CUZD1: variants seen among roughly 807,000 people sequenced by gnomAD.
CUZD1 encodes the protein CUB and zona pellucida-like domain-containing protein 1.
In CUZD1, 42 loss-of-function variants were observed where a neutral mutation model predicts 53.1. That is an observed-to-expected ratio of 0.79 (90% confidence interval 0.62 to 1.02). The LOEUF (loss-of-function observed/expected upper bound fraction) is 1.02. Among genes scored for constraint, CUZD1 ranks in the 50% least tolerant of loss-of-function variants. The probability of loss-of-function intolerance (pLI) is 0.00; values close to 1 mark genes in which losing one functional copy is unlikely to be tolerated. For synonymous variants in CUZD1, 238 were observed against 257.2 expected (o/e 0.93, Z 0.71); for missense variants, 670 against 715.7 (o/e 0.94, Z 0.73).
intron 3 of CUZD1, chr10:122,837,818 C>T (rs767552894): frequency 6.1e-5 from 20 of 326,916 alleles, no homozygotes; most frequent in Non-Finnish European, 7.8e-5. Flanking sequence ...TGGAGAGACT[C>T]CCATTACCTG....
chr10:122,837,447 C>T lies in CUZD1; in HGVS notation c.556G>A (p.Val186Met). The T allele has an allele frequency of 6.2e-7, 1 of 1,614,076 alleles. No individual in the cohort carries two copies. The change falls in exon 4 of 9, where the codon GTG (valine) becomes ATG (methionine). Residue 186 changes from valine (V) to methionine (M), a missense_variant. Transcript: ENST00000392790. ...AGTTTTATCTTGTAATCTTTCTCCACTTGTATGTGCCACACACAATAAGCC... is the reference window on the plus strand; with the variant it reads ...AGTTTTATCTTGTAATCTTTCTCCATTTGTATGTGCCACACACAATAAGCC... ...ELAYCVWHIQVEKDYKIKLNF... is the reference protein window; with the variant it reads ...ELAYCVWHIQMEKDYKIKLNF...
intron 8 of CUZD1, among the ~76,000 whole-genome samples, chr10:122,832,681 A>G (rs573456706): frequency 5.9e-5 from 9 of 152,316 alleles, no homozygotes; most frequent in African/African-American, 2.2e-4. Flanking sequence ...ATTTCTCGGT[A>G]TCACATGAAA....
At chr10:122,839,800 C>G (rs1847309209) in intron 2 of CUZD1, among the ~76,000 whole-genome samples, 1 of 152,184 alleles carries the variant, frequency 6.6e-6, no homozygotes, top group South Asian at 2.1e-4. Context: ...CTCCAAATAT[C>G]CTCAGAGGAC....
intron 4 of CUZD1, 140 bp downstream of exon 4, chr10:122,837,264 A>T: frequency 1.1e-6 from 1 of 916,730 alleles, no homozygotes; most frequent in Non-Finnish European, 1.7e-6. Context: ...GAATAGTATC[A>T]CTGTTTTCCT....
At position 122,833,913 on chromosome 10, in the gene CUZD1, CACCTT is replaced by C; in HGVS notation, c.1405_1409del (p.Lys469ValfsTer13). The C allele has an allele frequency of 6.2e-7, 1 of 1,613,376 alleles. No homozygotes were observed. The highest frequency in any genetic ancestry group is 8.5e-7 in the Non-Finnish European group (1 of 1,179,500). On this transcript the variant is annotated frameshift_variant, in exon 8 of 9. Transcript: ENST00000392790. LOFTEE classifies it high-confidence loss of function. ...TCCCATAGTGTCCAAATAAGGGATA[CACCTT>C]ACAAGTTTCATCTCGACTACATCTG... is the stretch of plus-strand genomic sequence containing the variant.
chr10:122,835,087 T>C lies in CUZD1; in HGVS notation c.1001A>G (p.Gln334Arg). The C allele has an allele frequency of 1.3e-6, 2 of 1,566,346 alleles. No individual in the cohort carries two copies. Residue 334 changes from glutamine to arginine, a missense_variant, in exon 7 of 9, where the codon CAG becomes CGG. By Grantham distance (43) the Gln-to-Arg change is conservative. Coordinates refer to ENST00000392790, the MANE Select transcript of CUZD1 (RefSeq NM_022034.6). ...GATTATATTGGTGTAAGTAATTGAC[T>C]GATCTTCTACCTGCAGAACGAGATA... is the stretch of plus-strand genomic sequence containing the variant. ...GCGTIRKVED[Q>R]SITYTNIITF...
intron 6 of CUZD1, among the ~76,000 whole-genome samples, chr10:122,835,347 C>T (rs1260755864): frequency 2.0e-5 from 3 of 152,108 alleles, no homozygotes; most frequent in African/African-American, 4.8e-5. Flanking sequence ...TTTTCAGTTA[C>T]AGTAAAATCC....
intron 6 of CUZD1, among the ~76,000 whole-genome samples, chr10:122,835,852 T>C (rs1353540897): frequency 6.6e-6 from 1 of 152,080 alleles, no homozygotes; most frequent in Non-Finnish European, 1.5e-5. Context: ...AAATACAAGG[T>C]GTAAACATTT....
At chr10:122,845,179 C>A (rs1159198932) in intron 1 of CUZD1, among the ~76,000 whole-genome samples, 1 of 151,722 alleles carries the variant, frequency 6.6e-6, no homozygotes, top group East Asian at 1.9e-4. Context: ...CGGGTTCAAG[C>A]GATTCTCCTG....
At chr10:122,837,321 T>C (rs776830824) in intron 4 of CUZD1, 83 bp downstream of exon 4, 266 of 1,419,506 alleles carry the variant, frequency 1.9e-4, no homozygotes, top group Non-Finnish European at 2.3e-4. Context: ...GAATTACGTA[T>C]GATAATTTCT....
At position 122,843,810 on chromosome 10, in the gene CUZD1, C is replaced by CATATATATATAT. The variant is rs61634361; in HGVS notation, c.82+1940_82+1951dup. On this transcript the variant is annotated intron_variant, in intron 1 of 8. Coordinates refer to ENST00000392790, the MANE Select transcript of CUZD1 (RefSeq NM_022034.6). ...CTTTCTTCATACATATATATACATACATATATATATATATATATATATGTC... is the reference window on the plus strand; with the variant it reads ...CTTTCTTCATACATATATATACATACATATATATATATATATATATATATATATATATATGTC... Among the ~76,000 whole-genome samples, 461 of 137,312 alleles carry CATATATATATAT rather than the reference C, an allele frequency of 3.4e-3. 2 individuals are homozygous for CATATATATATAT. The highest frequency in any genetic ancestry group is 0.024 in the East Asian group (113 of 4,804). The allele number at this position is 137,312 out of a possible 152,430, so 90.1% of individuals were successfully genotyped here.
At chr10:122,837,839 T>C (rs1029673697) in intron 3 of CUZD1, 1 of 268,152 alleles carries the variant, frequency 3.7e-6, no homozygotes, top group South Asian at 1.2e-4. Flanking sequence ...AATTGCGCCA[T>C]AGAAAATAAA....
chr10:122,834,862 A>G lies in CUZD1; in HGVS notation c.1226T>C (p.Ile409Thr), dbSNP rs750618478. 1.4e-5 allele frequency: 22 copies of G among 1,613,730 alleles called. 1 individual carries two copies. The Middle Eastern group carries it at 1.6e-3, about 121-fold the overall frequency. ...LFESNSFEKT[I>T]LESPYYVDLN... ...ATCCACATAATATGGTGATTCAAGT[A>G]TAGTCTTTTCAAATGAATTGGATTC... is the stretch of plus-strand genomic sequence containing the variant. Residue 409 changes from isoleucine (I) to threonine (T), a missense_variant, in exon 7 of 9, where the codon ATA becomes ACA. Physicochemically the swap from Ile to Thr is moderately conservative, Grantham distance 89. Coordinates refer to ENST00000392790, the MANE Select transcript of CUZD1 (RefSeq NM_022034.6).
chr10:122,836,251 G>C lies in CUZD1; in HGVS notation c.917C>G (p.Pro306Arg), dbSNP rs1406796561. 4 of 1,612,712 alleles carry C rather than the reference G, an allele frequency of 2.5e-6. No homozygotes were observed. The highest frequency in any genetic ancestry group is 3.3e-5 in the Admixed American group (2 of 59,782). ...ATTTGATAATTTTGGTCTGCAAGTTGGGTCTTTTAGTTGCAAGTTATTCCC... is the reference window on the plus strand; with the variant it reads ...ATTTGATAATTTTGGTCTGCAAGTTCGGTCTTTTAGTTGCAAGTTATTCCC... The part of the protein sequence containing the change: ...SNGNNLQLKD[P>R]TCRPKLSNVV... The change falls in exon 6 of 9, where the codon CCA (proline) becomes CGA (arginine). Residue 306 changes from proline to arginine, a missense_variant. By Grantham distance (103) the Pro-to-Arg change is moderately radical. Transcript: ENST00000392790.
intron 1 of CUZD1, among the ~76,000 whole-genome samples, chr10:122,843,138 T>G (rs1847369688): frequency 6.6e-6 from 1 of 152,132 alleles, no homozygotes; most frequent in Non-Finnish European, 1.5e-5. Flanking sequence ...AAAACAAATG[T>G]CCACATAAAA....
chr10:122,845,683 CT>C, intron 1 of CUZD1, 78 bp downstream of exon 1: 1 of 1,252,876 alleles, frequency 8.0e-7, no homozygotes, highest in Non-Finnish European at 1.1e-6. Context: ...GATATAAACA[CT>C]TTGAAAAATT....
chr10:122,834,186 C>A (rs1249075888), intron 7 of CUZD1, among the ~76,000 whole-genome samples: 1 of 152,142 alleles, frequency 6.6e-6, no homozygotes, highest in African/African-American at 2.4e-5. Flanking sequence ...TATTGGAAGT[C>A]AAACTTCTTT....
At chr10:122,835,238 C>T in intron 6 of CUZD1, 141 bp from the exon 7 acceptor site, 1 of 506,788 alleles carries the variant, frequency 2.0e-6, no homozygotes, top group East Asian at 3.2e-5. Flanking sequence ...TACTATAAAC[C>T]TTAAATGTAT....
chr10:122,839,298 T>C (rs1477508800), intron 2 of CUZD1, 67 bp from the exon 3 acceptor site: 3 of 1,363,772 alleles, frequency 2.2e-6, no homozygotes, highest in East Asian at 2.3e-5. Context: ...GAGCAGTCAA[T>C]TGCTCACCTA....
Sources: allele counts gnomAD v4.1 joint callset (sites outside exome capture counted in the v4.1 genomes callset), GRCh38; gene constraint gnomAD v4.1.1; transcripts MANE v1.5; gene names NCBI Gene and HGNC (gene_info 2026-07-23, HGNC 2026-07-21).